Variants in SI observed in about 807,000 individuals in gnomAD.
SI encodes the protein sucrase-isomaltase.
Under a neutral mutation model 253.3 loss-of-function variants are expected in SI, and 235 were observed. The ratio of observed to expected loss-of-function variants is 0.93; its 90% confidence interval spans 0.83 to 1.03. The LOEUF is 1.03. Among genes scored for constraint, SI ranks in the 50% least tolerant of loss-of-function variants. The pLI is 0.00. For synonymous variants in SI, 819 were observed against 712.0 expected (o/e 1.15, Z -2.39); for missense variants, 2,442 against 2,211.1 (o/e 1.10, Z -2.09).
intron 37 of SI, among the ~76,000 whole-genome samples, chr3:165,001,194 A>C (rs887352751): frequency 6.6e-6 from 1 of 151,394 alleles, no homozygotes; most frequent in Admixed American, 6.6e-5. Flanking sequence ...AAACACTTCT[A>C]TCTCATGACT....
rs1434437455 is a variant in SI, at chr3:164,979,278, C to G, written c.*84G>C. 7.2e-6 allele frequency: 6 copies of G among 829,622 alleles called. No homozygotes were observed. The highest frequency in any genetic ancestry group is 5.3e-5 in the South Asian group (4 of 75,554). 51.4% of individuals were successfully genotyped at this position (829,622 alleles called of 1,614,324 possible). A position where few individuals can be genotyped will look rare whatever the true frequency, so the allele number is the denominator to read the frequency against. ...GCTATATTTTGTAGAGTACAAGAACCAAGTGAAGAGGGAAAATTGTAAGTG... is the reference window on the plus strand; with the variant it reads ...GCTATATTTTGTAGAGTACAAGAACGAAGTGAAGAGGGAAAATTGTAAGTG... On this transcript the variant is annotated 3_prime_UTR_variant, in exon 48 of 48. Transcript: ENST00000264382.
chr3:165,047,019 A>G lies in SI; in HGVS notation c.1716-7T>C. ...AAAAACTTTTTGTACAGCTCTAAAA[A>G]TAAAACCAAATTAACAAATACAATT... On this transcript the variant is annotated splice_region_variant and splice_polypyrimidine_tract_variant and intron_variant, in intron 15 of 47. Transcript: ENST00000264382. 1.3e-6 allele frequency: 2 copies of G among 1,555,654 alleles called. No homozygotes were observed. Among genetic ancestry groups the G allele is most frequent in the Non-Finnish European group, 1.8e-6 (2 of 1,135,568 alleles).
At chr3:164,982,483 G>T (rs1173118925) in intron 46 of SI, 73 bp from the exon 47 acceptor site, 4 of 1,100,914 alleles carry the variant, frequency 3.6e-6, no homozygotes, top group Non-Finnish European at 5.5e-6. Context: ...AAATATGTCG[G>T]TTAACCAAAA....
intron 16 of SI, among the ~76,000 whole-genome samples, chr3:165,044,544 T>C (rs1238238579): frequency 6.6e-6 from 1 of 151,966 alleles, no homozygotes; most frequent in African/African-American, 2.4e-5. Flanking sequence ...TTTTATTGGG[T>C]CCCTATAGAT....
intron 25 of SI, among the ~76,000 whole-genome samples, chr3:165,027,311 A>G (rs1431117947): frequency 1.3e-5 from 2 of 151,202 alleles, no homozygotes; most frequent in African/African-American, 2.4e-5. Flanking sequence ...TAAAATGGTA[A>G]TAAAAATTAC....
chr3:165,058,052 A>AT (rs900852443), intron 12 of SI, among the ~76,000 whole-genome samples: 4 of 101,516 alleles, frequency 3.9e-5, no homozygotes, highest in South Asian at 3.2e-4. Context: ...GTCTTAAAAT[A>AT]TTTTTTTTTA....
At chr3:165,063,363 T>G in intron 8 of SI, 79 bp downstream of exon 8, 1 of 720,338 alleles carries the variant, frequency 1.4e-6, no homozygotes, top group Non-Finnish European at 2.5e-6. Flanking sequence ...ACATACAATA[T>G]GAATGATTGA....
intron 9 of SI, among the ~76,000 whole-genome samples, chr3:165,060,975 A>G (rs1713958004): frequency 6.6e-6 from 1 of 150,922 alleles, no homozygotes; most frequent in African/African-American, 2.4e-5. Flanking sequence ...ATTGTTTTCT[A>G]TTCAAATGAA....
At chr3:165,016,669 C>T (rs940810064) in intron 31 of SI, among the ~76,000 whole-genome samples, 4 of 151,818 alleles carry the variant, frequency 2.6e-5, no homozygotes, top group African/African-American at 7.3e-5. Context: ...TTTAAACCAA[C>T]AAATATTTGA....
rs373410327 is a variant in SI at position 165,069,246 on chromosome 3, T to A, written c.256-51A>T. The A allele has an allele frequency of 1.3e-4, 157 of 1,174,746 alleles. 2 individuals are homozygous for A. In the South Asian group the frequency reaches 1.4e-3, roughly 10 times the overall value. 72.8% of individuals were successfully genotyped at this position (1,174,746 alleles called of 1,614,324 possible). ...ATATAATTACTACTATTATCAGATGTCCCAGTCTCTGTTTTTCCAAGGAAT... is the reference window on the plus strand; with the variant it reads ...ATATAATTACTACTATTATCAGATGACCCAGTCTCTGTTTTTCCAAGGAAT... On this transcript the variant is annotated intron_variant, in intron 3 of 47. Transcript: ENST00000264382.
At position 165,006,970 on chromosome 3, in the gene SI, G is replaced by A. The variant is rs201330448; in HGVS notation, c.4268-16C>T. 3.2e-6 allele frequency: 5 copies of A among 1,559,728 alleles called. No individual in the cohort carries two copies. The Admixed American group carries it at 8.6e-5, about 27-fold the overall frequency. On this transcript the variant is annotated splice_polypyrimidine_tract_variant and intron_variant, in intron 36 of 47. Transcript: ENST00000264382. ...TTTGTGAGTTCTGGAAAGAATCAATGAAAAAATATTAATATATTATACAGT... is the reference window on the plus strand; with the variant it reads ...TTTGTGAGTTCTGGAAAGAATCAATAAAAAAATATTAATATATTATACAGT...
At chr3:165,077,790 A>C (rs1356262432) in intron 1 of SI, among the ~76,000 whole-genome samples, 1 of 151,652 alleles carries the variant, frequency 6.6e-6, no homozygotes, top group African/African-American at 2.4e-5. Context: ...GTCTTAAAAA[A>C]TGCATTTTTG....
Position 165,044,471 on chromosome 3 carries a change from T to C in SI, c.1888-1296A>G, listed in dbSNP as rs180997594. Among the ~76,000 whole-genome samples the C allele has an allele frequency of 2.3e-4, 35 of 152,112 alleles. No individual in the cohort carries two copies. The East Asian group carries it at 5.8e-3, about 25-fold the overall frequency. On this transcript the variant is annotated intron_variant, in intron 16 of 47. Coordinates refer to ENST00000264382, the MANE Select transcript of SI (RefSeq NM_001041.4). ...TTTTATCACCTTTCTTCATAAAATATATCTCACCACAGTTTTTACTTGCAT... is the reference window on the plus strand; with the variant it reads ...TTTTATCACCTTTCTTCATAAAATACATCTCACCACAGTTTTTACTTGCAT...
At chr3:165,015,078 A>C in intron 33 of SI, 45 bp downstream of exon 33, 1 of 1,417,906 alleles carries the variant, frequency 7.1e-7, no homozygotes, top group Non-Finnish European at 9.9e-7. Context: ...TTTCATTGAA[A>C]TATAATTTTT....
intron 41 of SI, among the ~76,000 whole-genome samples, chr3:164,992,633 T>C (rs1452208546): frequency 6.6e-6 from 1 of 151,876 alleles, no homozygotes; most frequent in African/African-American, 2.4e-5. Flanking sequence ...AATAGAGAAT[T>C]CTGATGGACA....
Position 165,040,953 on chromosome 3 carries a change from G to T in SI, c.2146C>A (p.Pro716Thr). 6.2e-7 allele frequency: 1 copy of T among 1,610,622 alleles called. No homozygotes were observed. Among genetic ancestry groups the T allele is most frequent in the African/African-American group, 1.3e-5 (1 of 74,888 alleles). Residue 716 changes from proline to threonine, a missense_variant, in exon 18 of 48, where the codon CCA (proline) becomes ACA (threonine). By Grantham distance (38) the Pro-to-Thr change is conservative. Transcript: ENST00000264382. ...CGTAGTACTCACTCATGAAGAACTG[G>T]TCTTGCTACTGTTTCTCCAAACACA... is the stretch of plus-strand genomic sequence containing the variant. ...AHVFGETVARPVLHEFYEDTN... is the reference protein window; with the variant it reads ...AHVFGETVARTVLHEFYEDTN...
chr3:165,064,203 T>A (rs1714115941), intron 7 of SI, among the ~76,000 whole-genome samples: 3 of 152,126 alleles, frequency 2.0e-5, no homozygotes, highest in Admixed American at 2.0e-4. Context: ...GATATGTACC[T>A]TAATAAAAAT....
At chr3:165,012,412 A>T (rs958054657) in intron 34 of SI, among the ~76,000 whole-genome samples, 14 of 152,016 alleles carry the variant, frequency 9.2e-5, no homozygotes, top group Non-Finnish European at 1.9e-4. Context: ...TTACTGTAAT[A>T]ATTTTTTGTC....
chr3:165,062,056 G>T (rs1165131244), intron 9 of SI, among the ~76,000 whole-genome samples: 1 of 151,848 alleles, frequency 6.6e-6, no homozygotes, highest in African/African-American at 2.4e-5. Flanking sequence ...AGTTCCTTTT[G>T]CTTTATTCCA....
Sources: allele counts gnomAD v4.1 joint callset (sites outside exome capture counted in the v4.1 genomes callset), GRCh38; gene constraint gnomAD v4.1.1; transcripts MANE v1.5; gene names NCBI Gene and HGNC (gene_info 2026-07-23, HGNC 2026-07-21).